Variants in UBAC2 observed in about 807,000 individuals in gnomAD.
The protein encoded by UBAC2 is ubiquitin-associated domain-containing protein 2.
A neutral mutation model predicts 44.0 loss-of-function variants in UBAC2; 26 were observed. That is an observed-to-expected ratio of 0.59 (90% confidence interval 0.43 to 0.82). The LOEUF (loss-of-function observed/expected upper bound fraction) is 0.82, where lower values mean the gene tolerates loss of function less well. UBAC2 is among the 40% of genes least tolerant of loss of function. The pLI is 0.00. For synonymous variants in UBAC2, 155 were observed against 154.3 expected (o/e 1.00, Z -0.04); for missense variants, 329 against 419.4 (o/e 0.78, Z 1.88).
chr13:99,236,727 G>A (rs1003996439), intron 1 of UBAC2, among the ~76,000 whole-genome samples: 1 of 152,170 alleles, frequency 6.6e-6, no homozygotes. Flanking sequence ...GTGGGTGCCT[G>A]TAATCCCAGG....
chr13:99,369,497 G>A (rs2045377984), intron 8 of UBAC2, among the ~76,000 whole-genome samples: 1 of 152,194 alleles, frequency 6.6e-6, no homozygotes, highest in Non-Finnish European at 1.5e-5. Flanking sequence ...AGATGATTTT[G>A]CCCAACTGTA....
chr13:99,313,027 G>A (rs1397951374), intron 4 of UBAC2: 2 of 152,302 alleles, frequency 1.3e-5, no homozygotes, highest in African/African-American at 4.8e-5. Context: ...TGTCGCCCAG[G>A]CTGGAGTGCA....
Position 99,231,557 on chromosome 13 carries a change from C to T in UBAC2, c.32-6870C>T, listed in dbSNP as rs182535891. The T allele has an allele frequency of 2.0e-5, 3 of 151,810 alleles. No homozygotes were observed. The East Asian group carries it at 5.8e-4, about 30-fold the overall frequency. The allele number at this position is 151,810 out of a possible 1,614,324, so 9.4% of individuals were successfully genotyped here. A position where few individuals can be genotyped will look rare whatever the true frequency, so the allele number is the denominator to read the frequency against. On this transcript the variant is annotated intron_variant, in intron 1 of 8. Transcript: ENST00000403766. ...CCTCCCGAGTAGCTGGGACTACAGG[C>T]GTGCCACCACGCCCAGCTACTTTTT...
At chr13:99,218,609 C>T (rs1030438611) in intron 1 of UBAC2, among the ~76,000 whole-genome samples, 2 of 152,014 alleles carry the variant, frequency 1.3e-5, no homozygotes, top group Non-Finnish European at 2.9e-5. Context: ...CTGAGCCAGG[C>T]ACTCTGCCCG....
In UBAC2 at chr13:99,319,062, A is replaced by C. The variant is rs377701168; in HGVS notation, c.561+993A>C. Among the ~76,000 whole-genome samples, 52 of 152,300 alleles carry C rather than the reference A, an allele frequency of 3.4e-4. No homozygotes were observed. The East Asian group carries it at 8.1e-3, about 24-fold the overall frequency. ...AGGGAAAAAAATAATGCCAACTGGA[A>C]AGTCAGGTGGGTTGGACCTGACCAA... On this transcript the variant is annotated intron_variant, in intron 6 of 8. Coordinates refer to ENST00000403766, the MANE Select transcript of UBAC2 (RefSeq NM_001144072.2).
chr13:99,203,023 T>TTTTATTTATTTATTTATTTA (rs58103279), intron 1 of UBAC2, among the ~76,000 whole-genome samples: 15 of 146,520 alleles, frequency 1.0e-4, no homozygotes, highest in East Asian at 6.0e-4. Context: ...CTTTGTTTTA[T>TTTTATTTATTTATTTATTTA]TTTATTTATT....
chr13:99,220,765 C>T (rs925878643), intron 1 of UBAC2, among the ~76,000 whole-genome samples: 4 of 151,882 alleles, frequency 2.6e-5, no homozygotes, highest in Non-Finnish European at 4.4e-5. Flanking sequence ...ACAGAGAGGC[C>T]GAAGATTACT....
intron 4 of UBAC2, among the ~76,000 whole-genome samples, chr13:99,292,036 A>G (rs562800943): frequency 2.0e-5 from 3 of 152,298 alleles, no homozygotes; most frequent in South Asian, 2.1e-4. Flanking sequence ...CTAGCATGTA[A>G]TAAAGCAGTC....
chr13:99,255,090 C>T, intron 4 of UBAC2: 2 of 1,614,104 alleles, frequency 1.2e-6, no homozygotes, highest in South Asian at 1.1e-5. Flanking sequence ...TGTAACTGTT[C>T]TCCCCCGTTC....
chr13:99,327,377 A>G (rs985186315), intron 6 of UBAC2, among the ~76,000 whole-genome samples: 12 of 152,290 alleles, frequency 7.9e-5, no homozygotes, highest in African/African-American at 2.2e-4. Flanking sequence ...ACATTTTCCC[A>G]TGGGTCTTCA....
At chr13:99,360,362 A>C (rs1045482457) in intron 7 of UBAC2, among the ~76,000 whole-genome samples, 1 of 152,220 alleles carries the variant, frequency 6.6e-6, no homozygotes, top group African/African-American at 2.4e-5. Context: ...CACATGAATT[A>C]ACTCTTTTGA....
chr13:99,219,818 C>T (rs754530880), intron 1 of UBAC2, among the ~76,000 whole-genome samples: 11 of 152,182 alleles, frequency 7.2e-5, no homozygotes, highest in Non-Finnish European at 1.6e-4. Flanking sequence ...TCATATAGTA[C>T]ATAACTTTAT....
At chr13:99,375,386 G>A (rs1191004236) in intron 8 of UBAC2, among the ~76,000 whole-genome samples, 2 of 152,176 alleles carry the variant, frequency 1.3e-5, no homozygotes, top group Non-Finnish European at 2.9e-5. Context: ...TCAGCATGGG[G>A]GTGGGCAGCT....
At chr13:99,294,766 A>C (rs926176474) in intron 4 of UBAC2, 11 of 226,974 alleles carry the variant, frequency 4.8e-5, no homozygotes, top group African/African-American at 2.3e-4. Context: ...ATAATAATTA[A>C]ATTTTTTATT....
At chr13:99,277,467 G>C (rs560521784) in intron 4 of UBAC2, among the ~76,000 whole-genome samples, 1 of 151,734 alleles carries the variant, frequency 6.6e-6, no homozygotes, top group Non-Finnish European at 1.5e-5. Context: ...GGAGGTTACA[G>C]TGAGCCGAGA....
chr13:99,368,688 AGTGTGTGTGTGTGTGTGTGTGTGT>A (rs35193753), intron 8 of UBAC2, among the ~76,000 whole-genome samples: 1 of 146,596 alleles, frequency 6.8e-6, no homozygotes, highest in Non-Finnish European at 1.5e-5. Context: ...CTCATGAGAG[AGTGTGTGTGTGTGTGTGTGTGTGT>A]GTGTGTGTGT....
At chr13:99,331,236 T>G (rs1014579024) in intron 6 of UBAC2, among the ~76,000 whole-genome samples, 1 of 152,248 alleles carries the variant, frequency 6.6e-6, no homozygotes, top group Admixed American at 6.5e-5. Flanking sequence ...CTTTCTTATT[T>G]TTTTTCTTCT....
chr13:99,379,776 T>G (rs907059340), intron 8 of UBAC2, among the ~76,000 whole-genome samples: 3 of 152,250 alleles, frequency 2.0e-5, no homozygotes, highest in African/African-American at 7.2e-5. Context: ...ACACTTACAC[T>G]GCTCTCCACT....
At chr13:99,311,594 A>C (rs950556269) in intron 4 of UBAC2, among the ~76,000 whole-genome samples, 2 of 152,252 alleles carry the variant, frequency 1.3e-5, no homozygotes, top group Non-Finnish European at 1.5e-5. Flanking sequence ...CCAATATTGA[A>C]TATGGATCAT....
Sources: gnomAD v4.1 joint callset for allele counts (sites outside exome capture counted in the v4.1 genomes callset) on GRCh38, gnomAD v4.1.1 for gene constraint, MANE v1.5 for transcripts, NCBI Gene and HGNC (gene_info 2026-07-23, HGNC 2026-07-21) for gene names.